Variants in DNAH9 observed in about 807,000 individuals in gnomAD.
The protein encoded by DNAH9 is DNAH9 variant protein.
In DNAH9, 345 loss-of-function variants were observed where a neutral mutation model predicts 471.6. That is an observed-to-expected ratio of 0.73 (90% confidence interval 0.67 to 0.80). DNAH9 has a LOEUF of 0.80. DNAH9 is among the 30% of genes least tolerant of loss of function. The pLI is 0.00. For synonymous variants in DNAH9, 2,093 were observed against 2,123.6 expected (o/e 0.99, Z 0.40); for missense variants, 5,407 against 5,609.2 (o/e 0.96, Z 1.15).
At chr17:11,672,069 A>C (rs894926610) in intron 17 of DNAH9, among the ~76,000 whole-genome samples, 1 of 152,226 alleles carries the variant, frequency 6.6e-6, no homozygotes, top group Admixed American at 6.5e-5. Flanking sequence ...AAAAATTATT[A>C]TTGTCTCCTC....
intron 27 of DNAH9, among the ~76,000 whole-genome samples, chr17:11,721,061 G>A (rs972040693): frequency 3.3e-5 from 5 of 152,160 alleles, no homozygotes; most frequent in Admixed American, 6.5e-5. Flanking sequence ...TCATTTGGAT[G>A]TAGAAGACGT....
chr17:11,646,332 T>A (rs1374893395), intron 11 of DNAH9, among the ~76,000 whole-genome samples: 1 of 152,128 alleles, frequency 6.6e-6, no homozygotes, highest in Non-Finnish European at 1.5e-5. Flanking sequence ...TGCTGCACTG[T>A]GTCAGGGTGA....
At chr17:11,693,067 G>A (rs571514197) in intron 20 of DNAH9, among the ~76,000 whole-genome samples, 31 of 61,106 alleles carry the variant, frequency 5.1e-4, no homozygotes, top group Admixed American at 3.3e-3. Flanking sequence ...CACCATGACC[G>A]GCTTTTTTTT....
chr17:11,769,254 G>A lies in DNAH9; in HGVS notation c.7477G>A (p.Ala2493Thr). Residue 2493 changes from alanine (A) to threonine (T), a missense_variant, in exon 38 of 69, where the codon GCC (alanine) becomes ACC (threonine). Coordinates refer to ENST00000262442, the MANE Select transcript of DNAH9 (RefSeq NM_001372.4). Reference protein sequence around the residue: ...GKSVLVGAKLASLDPEAYLVK... With the variant: ...GKSVLVGAKLTSLDPEAYLVK... ...GTCGGTGCTGGTGGGAGCTAAGCTG[G>A]CCAGCCTTGACCCCGAGGCATACCT... The A allele has an allele frequency of 1.9e-6, 3 of 1,614,102 alleles. No homozygotes were observed. The highest frequency in any genetic ancestry group is 2.5e-6 in the Non-Finnish European group (3 of 1,180,028).
At chr17:11,866,063 A>G (rs1972042256) in intron 50 of DNAH9, among the ~76,000 whole-genome samples, 1 of 152,192 alleles carries the variant, frequency 6.6e-6, no homozygotes, top group South Asian at 2.1e-4. Context: ...CTGGTGAGGA[A>G]CTGTGATCCT....
At chr17:11,675,616 A>G (rs1428326501) in intron 17 of DNAH9, among the ~76,000 whole-genome samples, 1 of 152,024 alleles carries the variant, frequency 6.6e-6, no homozygotes, top group Non-Finnish European at 1.5e-5. Flanking sequence ...TTTCCCTTCT[A>G]TTTCTAATTT....
intron 67 of DNAH9, among the ~76,000 whole-genome samples, chr17:11,959,741 GT>G (rs1975922321): frequency 6.6e-6 from 1 of 152,200 alleles, no homozygotes; most frequent in Non-Finnish European, 1.5e-5. Flanking sequence ...GAGCCTTGAT[GT>G]GGCCTCAGAT....
intron 28 of DNAH9, among the ~76,000 whole-genome samples, chr17:11,733,784 C>A (rs1051657416): frequency 1.4e-5 from 2 of 145,006 alleles, no homozygotes; most frequent in Admixed American, 1.4e-4. Flanking sequence ...CGGTGTGAAC[C>A]CGGGAGGTGG....
At chr17:11,862,069 T>C (rs1971869409) in intron 50 of DNAH9, among the ~76,000 whole-genome samples, 1 of 128,246 alleles carries the variant, frequency 7.8e-6, no homozygotes, top group Admixed American at 7.4e-5. Flanking sequence ...CCATTGCTTT[T>C]GGTGTTTTAG....
intron 20 of DNAH9, among the ~76,000 whole-genome samples, 192 bp downstream of exon 20, chr17:11,690,628 T>C (rs1332484519): frequency 6.6e-6 from 1 of 150,642 alleles, no homozygotes; most frequent in East Asian, 2.0e-4. Context: ...GACAGTGAAA[T>C]GCACACCAAT....
intron 43 of DNAH9, among the ~76,000 whole-genome samples, chr17:11,799,973 G>T (rs191886644): frequency 5.8e-4 from 89 of 152,274 alleles, no homozygotes; most frequent in Admixed American, 1.3e-3. Context: ...TTTTGCTCCA[G>T]ATCTGCATCC....
chr17:11,918,836 A>C (rs1974041204), intron 61 of DNAH9, among the ~76,000 whole-genome samples: 1 of 152,064 alleles, frequency 6.6e-6, no homozygotes, highest in Admixed American at 6.6e-5. Context: ...AAATACAAAA[A>C]TTAGCCGGGA....
chr17:11,958,126 C>T (rs1419537003), intron 67 of DNAH9, among the ~76,000 whole-genome samples: 2 of 152,088 alleles, frequency 1.3e-5, no homozygotes, highest in Non-Finnish European at 2.9e-5. Flanking sequence ...ACAGAGGGAA[C>T]TTAAACACAT....
rs1320264434 is a variant in DNAH9, at chr17:11,834,837, AC to A, written c.9448del (p.Leu3150TrpfsTer18). 36 of 1,613,854 alleles carry A rather than the reference AC, an allele frequency of 2.2e-5. No individual in the cohort carries two copies. Among genetic ancestry groups the A allele is most frequent in the Non-Finnish European group, 3.0e-5 (35 of 1,180,018 alleles). ...VKQKQKDCEE[D>X]LAKAEPALTA... ...CAGAAGCAGAAGGACTGTGAGGAGGACCTGGCAAAGGCTGAGCCAGCACTCA... is the reference window on the plus strand; with the variant it reads ...CAGAAGCAGAAGGACTGTGAGGAGGACTGGCAAAGGCTGAGCCAGCACTCA... On this transcript the variant is annotated frameshift_variant, in exon 49 of 69. Transcript: ENST00000262442. LOFTEE classifies it high-confidence loss of function.
intron 1 of DNAH9, among the ~76,000 whole-genome samples, chr17:11,600,579 C>T (rs997349187): frequency 6.6e-6 from 1 of 152,156 alleles, no homozygotes; most frequent in African/African-American, 2.4e-5. Flanking sequence ...CAACAGGGGA[C>T]TGGGTGACTG....
At position 11,756,599 on chromosome 17, in the gene DNAH9, C is replaced by T. The variant is rs141540643; in HGVS notation, c.6770C>T (p.Pro2257Leu). Reference sequence around the variant, plus strand: ...ACATTGGCCAGCAATGAGAGGATTCCTCTGAACCCCACCATGAAGCTCCTC... The same window carrying T: ...ACATTGGCCAGCAATGAGAGGATTCTTCTGAACCCCACCATGAAGCTCCTC... ...VLTLASNERI[P>L]LNPTMKLLFE... The change falls in exon 34 of 69, where the codon CCT (proline) becomes CTT (leucine). Residue 2257 changes from proline (P) to leucine (L), a missense_variant. Physicochemically the swap from Pro to Leu is moderately conservative, Grantham distance 98. Around this residue, in one of 3 missense-constraint regions of DNAH9, gnomAD observed 4,636 missense variants for 4,900.3 expected, o/e 0.95. Transcript: ENST00000262442. 4.1e-4 allele frequency: 658 copies of T among 1,613,676 alleles called. No homozygotes were observed. Among genetic ancestry groups the T allele is most frequent in the Non-Finnish European group, 4.6e-4 (547 of 1,179,618 alleles).
chr17:11,631,379 C>T (rs371765416), intron 7 of DNAH9, among the ~76,000 whole-genome samples: 1 of 152,112 alleles, frequency 6.6e-6, no homozygotes, highest in African/African-American at 2.4e-5. Flanking sequence ...TTGGCCAGAC[C>T]CAGGAAGATT....
Position 11,960,805 on chromosome 17 carries a change from G to C in DNAH9, c.12844-1062G>C, listed in dbSNP as rs140552794. On this transcript the variant is annotated intron_variant, in intron 67 of 68. Coordinates refer to ENST00000262442, the MANE Select transcript of DNAH9 (RefSeq NM_001372.4). ...AAGTTAAGAGAAAAAGTTAGATCTA[G>C]AATTCCATGTGCCAGTCTCCTGTCC... Among the ~76,000 whole-genome samples the C allele has an allele frequency of 5.9e-5, 9 of 152,198 alleles. No homozygotes were observed. In the East Asian group the frequency reaches 1.7e-3, roughly 29 times the overall value.
At chr17:11,621,128 G>A (rs1347904517) in intron 6 of DNAH9, among the ~76,000 whole-genome samples, 2 of 152,086 alleles carry the variant, frequency 1.3e-5, no homozygotes, top group African/African-American at 4.8e-5. Context: ...TAAGACAAGA[G>A]GCCGGGCACG....
Sources: allele counts gnomAD v4.1 joint callset (sites outside exome capture counted in the v4.1 genomes callset), GRCh38; gene constraint gnomAD v4.1.1; regional missense constraint gnomAD v4.1.1; transcripts MANE v1.5; gene names NCBI Gene and HGNC (gene_info 2026-07-23, HGNC 2026-07-21).